Variants in EIF3H observed in about 807,000 individuals in gnomAD.
EIF3H encodes eukaryotic translation initiation factor 3 subunit H.
EIF3H carries 26 observed loss-of-function variants against 44.2 expected under a neutral mutation model. The observed-to-expected ratio is 0.59, with a 90% CI of 0.43 to 0.82. The LOEUF (loss-of-function observed/expected upper bound fraction) is 0.82. Ranked by LOEUF, EIF3H falls within the 40% of genes least tolerant of loss-of-function variation. EIF3H has a pLI of 0.00. For missense variants in EIF3H, 359 were observed against 432.8 expected (o/e 0.83, Z 1.51); for synonymous variants, 166 against 151.9 (o/e 1.09, Z -0.68).
rs193265037 is a variant in EIF3H at position 116,705,224 on chromosome 8, G to A, written c.289+20792C>T. ...ATATTTGTAAAAAGTTATAGATAAA[G>A]GCACAGAATATATTTATACATTTAC... is the stretch of plus-strand genomic sequence containing the variant. On this transcript the variant is annotated intron_variant, in intron 2 of 7. Coordinates refer to ENST00000521861, the MANE Select transcript of EIF3H (RefSeq NM_003756.3). 1.1e-3 allele frequency among the ~76,000 whole-genome samples: 167 copies of A among 152,122 alleles called. 3 individuals carry two copies. The East Asian group carries it at 0.023, about 21-fold the overall frequency.
In EIF3H at chr8:116,686,350, CTG is replaced by C. The variant is rs373582694; in HGVS notation, c.290-27372_290-27371del. Among the ~76,000 whole-genome samples, 95 of 152,218 alleles carry C rather than the reference CTG, an allele frequency of 6.2e-4. 1 individual carries two copies. In the South Asian group the frequency reaches 0.02, roughly 32 times the overall value. ...GCTCCATGGAATGAGTTTTGTGTGTCTGTGGATATCCTGACTACCTACTTATC... is the reference window on the plus strand; with the variant it reads ...GCTCCATGGAATGAGTTTTGTGTGTCTGGATATCCTGACTACCTACTTATC... On this transcript the variant is annotated intron_variant, in intron 2 of 7. Coordinates refer to ENST00000521861, the MANE Select transcript of EIF3H (RefSeq NM_003756.3).
At position 116,657,066 on chromosome 8, in the gene EIF3H, G is replaced by C. The variant is rs182394885; in HGVS notation, c.557+149C>G. On this transcript the variant is annotated intron_variant, in intron 4 of 7. Transcript: ENST00000521861. ...AATAATTTAAACATGGAAAGGGAGA[G>C]AGCAAGCAGCACTCGGCATGCAGAA... is the stretch of plus-strand genomic sequence containing the variant. The C allele has an allele frequency of 1.6e-3, 1,082 of 688,446 alleles. 12 individuals are homozygous for C. In the African/African-American group the frequency reaches 0.016, roughly 10 times the overall value. The allele number at this position is 688,446 out of a possible 1,614,324, so 42.6% of individuals were successfully genotyped here.
intron 2 of EIF3H, among the ~76,000 whole-genome samples, chr8:116,714,697 T>C (rs1481077508): frequency 2.0e-5 from 3 of 152,004 alleles, no homozygotes; most frequent in African/African-American, 4.8e-5. Context: ...CAAAAATATA[T>C]CATTTTTAAA....
chr8:116,650,946 A>T (rs986490127), intron 5 of EIF3H, among the ~76,000 whole-genome samples: 2 of 152,168 alleles, frequency 1.3e-5, no homozygotes, highest in African/African-American at 4.8e-5. Flanking sequence ...CCATTTTATA[A>T]AATATCCAGA....
intron 2 of EIF3H, among the ~76,000 whole-genome samples, chr8:116,680,082 A>G (rs1386622935): frequency 1.9e-4 from 6 of 31,362 alleles, no homozygotes; most frequent in Admixed American, 2.5e-4. Context: ...AGGTGGGGGG[A>G]TCAGCCCCCC....
chr8:116,736,253 G>A (rs932989601), intron 1 of EIF3H, among the ~76,000 whole-genome samples: 1 of 152,238 alleles, frequency 6.6e-6, no homozygotes, highest in Admixed American at 6.5e-5. Flanking sequence ...ACTGACTGCA[G>A]AAGGATACCA....
chr8:116,718,882 AAT>A (rs1279665421), intron 2 of EIF3H, among the ~76,000 whole-genome samples: 7 of 151,634 alleles, frequency 4.6e-5, no homozygotes, highest in South Asian at 4.2e-4. Context: ...ATTGAAATAA[AAT>A]ATATATATAT....
At chr8:116,724,826 T>C (rs751172273) in intron 2 of EIF3H, among the ~76,000 whole-genome samples, 2 of 152,108 alleles carry the variant, frequency 1.3e-5, no homozygotes, top group Admixed American at 6.5e-5. Context: ...GGAACCCTTG[T>C]GCAAGGTTGG....
At chr8:116,739,900 A>G (rs1302900574) in intron 1 of EIF3H, among the ~76,000 whole-genome samples, 1 of 152,218 alleles carries the variant, frequency 6.6e-6, no homozygotes, top group Non-Finnish European at 1.5e-5. Context: ...TCAGGTTATC[A>G]GTGGTAAAGA....
chr8:116,717,471 G>A (rs1368588405), intron 2 of EIF3H, among the ~76,000 whole-genome samples: 1 of 152,072 alleles, frequency 6.6e-6, no homozygotes, highest in African/African-American at 2.4e-5. Flanking sequence ...TAACAAACCT[G>A]GAGGAATCAC....
chr8:116,716,385 T>C (rs1347704478), intron 2 of EIF3H, among the ~76,000 whole-genome samples: 1 of 152,072 alleles, frequency 6.6e-6, no homozygotes, highest in Admixed American at 6.6e-5. Context: ...GCACTAAAAC[T>C]AAAGCAAAAA....
At chr8:116,695,046 A>C (rs992693355) in intron 2 of EIF3H, among the ~76,000 whole-genome samples, 4 of 151,814 alleles carry the variant, frequency 2.6e-5, no homozygotes, top group Non-Finnish European at 5.9e-5. Flanking sequence ...TGCAAAAAAA[A>C]CTAAGGTAAA....
At chr8:116,699,874 G>C (rs1178457515) in intron 2 of EIF3H, among the ~76,000 whole-genome samples, 1 of 152,060 alleles carries the variant, frequency 6.6e-6, no homozygotes, top group African/African-American at 2.4e-5. Context: ...GCAATAGTGC[G>C]ATCTCAGCTC....
intron 5 of EIF3H, 103 bp downstream of exon 5, chr8:116,655,753 T>G: frequency 7.9e-7 from 1 of 1,262,200 alleles, no homozygotes; most frequent in Non-Finnish European, 1.1e-6. Context: ...CCTATAAACG[T>G]TCTTAAGTAA....
chr8:116,695,103 C>G (rs1251505049), intron 2 of EIF3H, among the ~76,000 whole-genome samples: 2 of 150,116 alleles, frequency 1.3e-5, no homozygotes, highest in Non-Finnish European at 3.0e-5. Flanking sequence ...GAGTCTCACC[C>G]TGTCGCCCAG....
chr8:116,657,553 AT>A, intron 3 of EIF3H: 1 of 486,372 alleles, frequency 2.1e-6, no homozygotes. Context: ...AAAACTAAAG[AT>A]GCAAAAGAGT....
intron 2 of EIF3H, among the ~76,000 whole-genome samples, chr8:116,711,595 G>C (rs1231059078): frequency 6.6e-6 from 1 of 151,770 alleles, no homozygotes; most frequent in Non-Finnish European, 1.5e-5. Flanking sequence ...ATATGACAAA[G>C]AAAAAAAGAT....
chr8:116,694,051 C>G (rs1001187807), intron 2 of EIF3H, among the ~76,000 whole-genome samples: 2 of 152,094 alleles, frequency 1.3e-5, no homozygotes, highest in Non-Finnish European at 2.9e-5. Context: ...TCCTATAATA[C>G]TCTTGTATGT....
At chr8:116,699,874 G>A (rs1178457515) in intron 2 of EIF3H, among the ~76,000 whole-genome samples, 4 of 152,060 alleles carry the variant, frequency 2.6e-5, no homozygotes, top group Admixed American at 1.3e-4. Flanking sequence ...GCAATAGTGC[G>A]ATCTCAGCTC....
Sources: allele counts gnomAD v4.1 joint callset (sites outside exome capture counted in the v4.1 genomes callset), GRCh38; gene constraint gnomAD v4.1.1; transcripts MANE v1.5; gene names NCBI Gene and HGNC (gene_info 2026-07-23, HGNC 2026-07-21).